The following FKBP9 variants were observed in gnomAD, a reference collection of about 807,000 sequenced individuals.
The protein encoded by FKBP9 is peptidyl-prolyl cis-trans isomerase FKBP9.
FKBP9 carries 27 observed loss-of-function variants against 55.6 expected under a neutral mutation model. That is an observed-to-expected ratio of 0.49 (90% confidence interval 0.36 to 0.67). The LOEUF (loss-of-function observed/expected upper bound fraction) is 0.67, where lower values mean the gene tolerates loss of function less well. FKBP9 is among the 30% of genes least tolerant of loss of function. The pLI, the probability that FKBP9 is intolerant of heterozygous loss-of-function variation, is 0.00. For synonymous variants in FKBP9, 267 were observed against 296.5 expected (o/e 0.90, Z 1.02); for missense variants, 539 against 742.8 (o/e 0.73, Z 3.19).
intron 5 of FKBP9, among the ~76,000 whole-genome samples, chr7:32,985,173 TC>T (rs1426222103): frequency 7.3e-6 from 1 of 136,916 alleles, no homozygotes. Flanking sequence ...TTTCTTTCTT[TC>T]TTTCTTTTTT....
intron 4 of FKBP9, among the ~76,000 whole-genome samples, chr7:32,978,517 T>G (rs1784407690): frequency 6.6e-6 from 1 of 152,072 alleles, no homozygotes; most frequent in South Asian, 2.1e-4. Flanking sequence ...GCCACCATGC[T>G]TGGCTAGTTA....
intron 1 of FKBP9, among the ~76,000 whole-genome samples, chr7:32,964,935 G>A (rs1217974768): frequency 6.6e-6 from 1 of 152,192 alleles, no homozygotes; most frequent in East Asian, 1.9e-4. Context: ...GGGGAGGTGA[G>A]TTTCAGTCCC....
At chr7:32,966,263 A>C (rs1341827688) in intron 1 of FKBP9, among the ~76,000 whole-genome samples, 2 of 149,268 alleles carry the variant, frequency 1.3e-5, no homozygotes, top group Non-Finnish European at 3.0e-5. Flanking sequence ...ATATAATGTG[A>C]GCTTTTGTGT....
intron 5 of FKBP9, among the ~76,000 whole-genome samples, chr7:32,986,766 A>G (rs2893449): frequency 0.92 from 139,695 of 151,908 alleles, 64,310 homozygotes; most frequent in Middle Eastern, 0.95. Context: ...CCTGCTCGGC[A>G]GTCCTTCTTC....
At chr7:32,986,622 G>A (rs1207374989) in intron 5 of FKBP9, among the ~76,000 whole-genome samples, 7 of 152,252 alleles carry the variant, frequency 4.6e-5, no homozygotes, top group Admixed American at 2.0e-4. Context: ...GGGAGTTTAT[G>A]TGGACAATCT....
intron 1 of FKBP9, among the ~76,000 whole-genome samples, chr7:32,974,037 T>C (rs1453475870): frequency 6.6e-6 from 1 of 151,788 alleles, no homozygotes; most frequent in Admixed American, 6.6e-5. Context: ...TTTTTGAGAC[T>C]CTGTCGCCCA....
chr7:32,982,266 C>G (rs1784492676), intron 5 of FKBP9, among the ~76,000 whole-genome samples: 1 of 152,126 alleles, frequency 6.6e-6, no homozygotes, highest in Non-Finnish European at 1.5e-5. Flanking sequence ...GGTGATCCAC[C>G]CAACGCAGCC....
chr7:33,004,077 C>T (rs1784983900), intron 9 of FKBP9, among the ~76,000 whole-genome samples: 1 of 152,158 alleles, frequency 6.6e-6, no homozygotes, highest in African/African-American at 2.4e-5. Context: ...TCGGTGATCT[C>T]TGACTCCTCT....
intron 1 of FKBP9, among the ~76,000 whole-genome samples, chr7:32,969,245 A>T (rs1038531545): frequency 6.6e-6 from 1 of 152,030 alleles, no homozygotes; most frequent in South Asian, 2.1e-4. Context: ...TTAAAGTTTG[A>T]CAAAGTCCTC....
At position 32,957,811 on chromosome 7, in the gene FKBP9, G is replaced by C. The variant is rs749825352; in HGVS notation, c.221+17G>C. On this transcript the variant is annotated intron_variant, in intron 1 of 9. Coordinates refer to ENST00000242209, the MANE Select transcript of FKBP9 (RefSeq NM_007270.5). The stretch of plus-strand genomic sequence containing the variant: ...CGACTCCAGGTACCGCGCCCTTGGC[G>C]CCCGGCGCGGCCTCAGCGGATGCGC... 7.0e-7 allele frequency: 1 copy of C among 1,419,772 alleles called. No individual in the cohort carries two copies. Among genetic ancestry groups the C allele is most frequent in the Non-Finnish European group, 9.2e-7 (1 of 1,088,806 alleles). The allele number at this position is 1,419,772 out of a possible 1,614,324, so 87.9% of individuals were successfully genotyped here.
At chr7:33,000,460 A>G (rs1784910686) in intron 8 of FKBP9, among the ~76,000 whole-genome samples, 200 bp downstream of exon 8, 1 of 152,090 alleles carries the variant, frequency 6.6e-6, no homozygotes, top group Non-Finnish European at 1.5e-5. Context: ...TCAATGCTCC[A>G]TTACCCTCTT....
At chr7:32,972,672 T>C (rs1328073779) in intron 1 of FKBP9, among the ~76,000 whole-genome samples, 4 of 152,160 alleles carry the variant, frequency 2.6e-5, no homozygotes, top group African/African-American at 9.7e-5. Context: ...TATGCATCTA[T>C]ATATGTAAGT....
intron 6 of FKBP9, chr7:32,989,021 T>C (rs1332550964): frequency 6.2e-6 from 1 of 160,136 alleles, no homozygotes; most frequent in African/African-American, 2.4e-5. Flanking sequence ...CCTTTACCTT[T>C]TGAAAATGTT....
At chr7:32,977,924 CTT>C (rs1226725947) in intron 4 of FKBP9, among the ~76,000 whole-genome samples, 3 of 124,972 alleles carry the variant, frequency 2.4e-5, no homozygotes, top group African/African-American at 3.1e-5. Context: ...TATATATACA[CTT>C]TTTTTTTTTT....
chr7:32,959,265 C>T (rs1373899789), intron 1 of FKBP9, among the ~76,000 whole-genome samples: 2 of 152,094 alleles, frequency 1.3e-5, no homozygotes, highest in African/African-American at 4.8e-5. Context: ...ATTAGCCGGG[C>T]GAGGTGGCGG....
chr7:32,978,008 A>G (rs987552579), intron 4 of FKBP9, among the ~76,000 whole-genome samples: 14 of 147,542 alleles, frequency 9.5e-5, no homozygotes, highest in African/African-American at 3.0e-4. Flanking sequence ...TGCAACCTCT[A>G]TCTCCTGGAT....
At chr7:32,973,691 T>TTG (rs1562565516) in intron 1 of FKBP9, among the ~76,000 whole-genome samples, 3 of 83,956 alleles carry the variant, frequency 3.6e-5, no homozygotes, top group African/African-American at 1.1e-4. Context: ...TGTTTTTTTT[T>TTG]TTTTTTTTTT....
intron 6 of FKBP9, chr7:32,988,874 A>G: frequency 2.0e-6 from 1 of 499,002 alleles, no homozygotes; most frequent in Non-Finnish European, 3.6e-6. Context: ...CACTACAGGC[A>G]CGCACCACCA....
chr7:32,986,218 C>G (rs1188453799), intron 5 of FKBP9, among the ~76,000 whole-genome samples: 1 of 152,228 alleles, frequency 6.6e-6, no homozygotes, highest in Admixed American at 6.5e-5. Context: ...TTCCCTTAGG[C>G]AGATCCCACA....
Sources: gnomAD v4.1 joint callset for allele counts (sites outside exome capture counted in the v4.1 genomes callset) on GRCh38, gnomAD v4.1.1 for gene constraint, MANE v1.5 for transcripts, NCBI Gene and HGNC (gene_info 2026-07-23, HGNC 2026-07-21) for gene names.